The following RABGEF1 variants were observed in gnomAD, a reference collection of about 807,000 sequenced individuals.
RABGEF1 encodes rab5 GDP/GTP exchange factor.
Under a neutral mutation model 57.3 loss-of-function variants are expected in RABGEF1, and 26 were observed. The observed-to-expected ratio is 0.45, with a 90% CI of 0.33 to 0.63. The LOEUF is 0.63. RABGEF1 is among the 20% of genes least tolerant of loss of function. The pLI, the probability that RABGEF1 is intolerant of heterozygous loss-of-function variation, is 0.02. For missense variants in RABGEF1, 464 were observed against 607.6 expected, an observed-to-expected ratio of 0.76 and a Z score of 2.48; for synonymous variants, 185 against 210.7, an observed-to-expected ratio of 0.88 and a Z score of 1.06.
chr7:66,742,543 C>T (rs1356187701), intron 1 of RABGEF1, among the ~76,000 whole-genome samples: 10 of 152,116 alleles, frequency 6.6e-5, no homozygotes, highest in Admixed American at 3.3e-4. Flanking sequence ...TTCAGACTAA[C>T]AGGGTGGAGT....
chr7:66,749,791 T>G (rs940718755), intron 1 of RABGEF1, among the ~76,000 whole-genome samples: 12 of 151,852 alleles, frequency 7.9e-5, no homozygotes, highest in South Asian at 4.2e-4. Flanking sequence ...CTAACACAGT[T>G]AAACCCCGTC....
At chr7:66,692,864 T>G (rs776191843) in intron 1 of RABGEF1, among the ~76,000 whole-genome samples, 7 of 152,210 alleles carry the variant, frequency 4.6e-5, no homozygotes, top group Non-Finnish European at 8.8e-5. Context: ...AGAAGTCAGC[T>G]GGCTCCTGGC....
At chr7:66,681,576 T>C (rs551861985), upstream of RABGEF1, among the ~76,000 whole-genome samples, 46 of 47,928 alleles carry the variant, frequency 9.6e-4, 2 homozygotes, top group South Asian at 0.023. Flanking sequence ...TTTGTAAAAT[T>C]TCTTTTGTAG....
chr7:66,776,440 C>T (rs1040648468), intron 3 of RABGEF1, among the ~76,000 whole-genome samples: 3 of 152,198 alleles, frequency 2.0e-5, no homozygotes, highest in African/African-American at 7.2e-5. Context: ...AGCCTGTAAT[C>T]TCAGCGCTTT....
At chr7:66,668,223 G>T in the RABGEF1 span, among the ~76,000 whole-genome samples, 1 of 152,112 alleles carries the variant, frequency 6.6e-6, no homozygotes, top group Non-Finnish European at 1.5e-5. Context: ...TCAGCCTACC[G>T]AGTAGCTGGG....
intron 1 of RABGEF1, among the ~76,000 whole-genome samples, chr7:66,765,494 A>C (rs571153370): frequency 2.8e-4 from 43 of 152,208 alleles, no homozygotes; most frequent in Non-Finnish European, 5.0e-4. Flanking sequence ...CGACAAAAGT[A>C]GTTAGGGGAC....
chr7:66,799,025 A>G (rs1371918245), intron 6 of RABGEF1, among the ~76,000 whole-genome samples: 1 of 152,230 alleles, frequency 6.6e-6, no homozygotes, highest in Non-Finnish European at 1.5e-5. Flanking sequence ...GGCAGCAGCC[A>G]ATTCTCAAAT....
the RABGEF1 span, among the ~76,000 whole-genome samples, chr7:66,665,659 C>A: frequency 6.6e-6 from 1 of 152,168 alleles, no homozygotes; most frequent in Non-Finnish European, 1.5e-5. Context: ...TCTAGAACAT[C>A]GTAGGACTTC....
At chr7:66,673,335 C>T in the RABGEF1 span, among the ~76,000 whole-genome samples, 10 of 151,998 alleles carry the variant, frequency 6.6e-5, no homozygotes, top group African/African-American at 1.7e-4. Context: ...AATCTGGGGT[C>T]GTTCCCCATT....
chr7:66,696,525 A>C (rs774287654), intron 1 of RABGEF1, among the ~76,000 whole-genome samples: 2 of 151,924 alleles, frequency 1.3e-5, no homozygotes, highest in South Asian at 4.2e-4. Context: ...CCCTGTCTCT[A>C]CTAAAAATAC....
At chr7:66,700,393 G>A (rs1020787950) in intron 1 of RABGEF1, among the ~76,000 whole-genome samples, 2 of 151,542 alleles carry the variant, frequency 1.3e-5, no homozygotes, top group African/African-American at 4.8e-5. Flanking sequence ...GTGACTAGAG[G>A]TCTCCCCGGA....
intron 1 of RABGEF1, among the ~76,000 whole-genome samples, chr7:66,762,254 C>G (rs1804603407): frequency 6.6e-6 from 1 of 152,080 alleles, no homozygotes; most frequent in Non-Finnish European, 1.5e-5. Flanking sequence ...GTGAGGGAGA[C>G]AGACCAATGG....
chr7:66,766,710 C>CTTATTTATTTATTTAT (rs59017193), intron 1 of RABGEF1, among the ~76,000 whole-genome samples: 161 of 149,350 alleles, frequency 1.1e-3, no homozygotes, highest in African/African-American at 2.8e-3. Context: ...ACTGTTACCT[C>CTTATTTATTTATTTAT]TTATTTATTT....
chr7:66,675,149 A>G, the RABGEF1 span, among the ~76,000 whole-genome samples: 1 of 152,120 alleles, frequency 6.6e-6, no homozygotes. Context: ...TATTTTCTCC[A>G]ATTTTACAGA....
chr7:66,753,760 G>A (rs1180729450), intron 1 of RABGEF1, among the ~76,000 whole-genome samples: 5 of 133,764 alleles, frequency 3.7e-5, no homozygotes, highest in Non-Finnish European at 7.6e-5. Context: ...GGGCTGGTGT[G>A]CAGTGGCACG....
In RABGEF1 at chr7:66,796,919, T is replaced by G. The variant is rs749856269; in HGVS notation, c.596-455T>G. On this transcript the variant is annotated intron_variant, in intron 5 of 8. Coordinates refer to ENST00000284957, the MANE Select transcript of RABGEF1 (RefSeq NM_014504.3). ...TAAGTTTTTTTTTTAAGCGTATTTT[T>G]AAATATAACATTCTTATACTTTTGT... 4.7e-5 allele frequency: 21 copies of G among 447,192 alleles called. 1 individual carries two copies. The highest frequency in any genetic ancestry group is 3.3e-4 in the South Asian group (21 of 62,920). The allele number at this position is 447,192 out of a possible 1,614,324, so 27.7% of individuals were successfully genotyped here. A position where few individuals can be genotyped will look rare whatever the true frequency, so the allele number is the denominator to read the frequency against.
chr7:66,787,185 C>CCTGG, intron 4 of RABGEF1, among the ~76,000 whole-genome samples: 1 of 151,534 alleles, frequency 6.6e-6, no homozygotes, highest in African/African-American at 2.4e-5. Context: ...TGCCACCATG[C>CCTGG]CCAGATAATT....
chr7:66,772,531 A>G (rs946769595), intron 2 of RABGEF1, among the ~76,000 whole-genome samples: 8 of 152,230 alleles, frequency 5.3e-5, no homozygotes, highest in Non-Finnish European at 1.0e-4. Flanking sequence ...ACTTGTATAC[A>G]TAGTCATTGC....
the RABGEF1 span, among the ~76,000 whole-genome samples, chr7:66,659,539 G>A: frequency 0.5 from 75,472 of 151,694 alleles, 19,705 homozygotes; most frequent in African/African-American, 0.65. Context: ...CAGCACTTTG[G>A]GAGGCCAAGG....
Sources: gnomAD v4.1 joint callset for allele counts (sites outside exome capture counted in the v4.1 genomes callset) on GRCh38, gnomAD v4.1.1 for gene constraint, MANE v1.5 for transcripts, NCBI Gene and HGNC (gene_info 2026-07-23, HGNC 2026-07-21) for gene names.